The following ATRNL1 variants were observed in gnomAD, a reference collection of about 807,000 sequenced individuals.
The protein encoded by ATRNL1 is attractin-like protein 1.
In ATRNL1, 95 loss-of-function variants were observed where a neutral mutation model predicts 182.7. The observed-to-expected ratio is 0.52, with a 90% CI of 0.44 to 0.62. ATRNL1 has a LOEUF of 0.62. Ranked by LOEUF, ATRNL1 falls within the 20% of genes least tolerant of loss-of-function variation. ATRNL1 has a pLI of 0.00. For missense variants in ATRNL1, 1,471 were observed against 1,679.5 expected (o/e 0.88, Z 2.17); for synonymous variants, 576 against 568.3 (o/e 1.01, Z -0.19).
chr10:115,231,992 G>A (rs1315868674), intron 9 of ATRNL1, among the ~76,000 whole-genome samples: 1 of 152,040 alleles, frequency 6.6e-6, no homozygotes, highest in Non-Finnish European at 1.5e-5. Context: ...ATGTGCGAAC[G>A]CAGAGTCTTT....
intron 28 of ATRNL1, among the ~76,000 whole-genome samples, chr10:115,919,561 G>A (rs1204826082): frequency 6.6e-6 from 1 of 151,860 alleles, no homozygotes; most frequent in Non-Finnish European, 1.5e-5. Flanking sequence ...TGATGATGAA[G>A]GTATTAACAT....
At chr10:115,222,040 A>T (rs925688420) in intron 9 of ATRNL1, among the ~76,000 whole-genome samples, 5 of 152,194 alleles carry the variant, frequency 3.3e-5, no homozygotes, top group Non-Finnish European at 7.4e-5. Context: ...TGTTTTAGAC[A>T]CAAACTTTAA....
chr10:115,660,131 G>A (rs111778024), intron 26 of ATRNL1, among the ~76,000 whole-genome samples: 3 of 152,188 alleles, frequency 2.0e-5, no homozygotes, highest in Non-Finnish European at 2.9e-5. Context: ...ATAGGGGGAC[G>A]AACCAATGTA....
At chr10:115,542,319 C>G (rs1852404654) in intron 25 of ATRNL1, among the ~76,000 whole-genome samples, 1 of 152,006 alleles carries the variant, frequency 6.6e-6, no homozygotes, top group South Asian at 2.1e-4. Context: ...AGGTACTCTT[C>G]TATAAATTTT....
chr10:115,275,885 C>G (rs782499814), intron 13 of ATRNL1, among the ~76,000 whole-genome samples: 2 of 152,212 alleles, frequency 1.3e-5, no homozygotes, highest in Admixed American at 6.5e-5. Flanking sequence ...AAGTCACTCA[C>G]TGTGGGCCAC....
At chr10:115,336,965 C>T (rs1554936880) in intron 19 of ATRNL1, among the ~76,000 whole-genome samples, 1 of 94,784 alleles carries the variant, frequency 1.1e-5, no homozygotes, top group Non-Finnish European at 2.1e-5. Flanking sequence ...CCTGCCTCAG[C>T]CTCCCAAGTA....
chr10:115,571,528 A>C (rs1854395680), intron 26 of ATRNL1, among the ~76,000 whole-genome samples: 1 of 152,030 alleles, frequency 6.6e-6, no homozygotes, highest in African/African-American at 2.4e-5. Flanking sequence ...CTACTACTAC[A>C]TTGTTGTAAG....
intron 24 of ATRNL1, among the ~76,000 whole-genome samples, chr10:115,470,854 A>G (rs1848276875): frequency 6.6e-6 from 1 of 150,774 alleles, no homozygotes; most frequent in Non-Finnish European, 1.5e-5. Flanking sequence ...GGAATATGTT[A>G]TATTAAAGCA....
At chr10:115,306,823 T>G (rs925620608) in intron 17 of ATRNL1, among the ~76,000 whole-genome samples, 2 of 152,222 alleles carry the variant, frequency 1.3e-5, no homozygotes, top group African/African-American at 4.8e-5. Context: ...ATAAGTTTTT[T>G]GAGAACAATA....
chr10:115,586,337 C>T (rs1241631580), intron 26 of ATRNL1, among the ~76,000 whole-genome samples: 1 of 90,088 alleles, frequency 1.1e-5, no homozygotes, highest in African/African-American at 3.2e-5. Flanking sequence ...TGGATAATAT[C>T]CTGCAGAGTG....
At chr10:115,688,663 T>A (rs868949083) in intron 26 of ATRNL1, among the ~76,000 whole-genome samples, 12 of 152,170 alleles carry the variant, frequency 7.9e-5, no homozygotes, top group African/African-American at 2.7e-4. Flanking sequence ...AATGAGGTTT[T>A]TTTTGAAACT....
At chr10:115,564,878 CTG>C (rs781835466) in intron 26 of ATRNL1, among the ~76,000 whole-genome samples, 70 of 151,892 alleles carry the variant, frequency 4.6e-4, no homozygotes, top group Non-Finnish European at 9.4e-4. Context: ...TTGCATGTAA[CTG>C]TAAAGTTCTA....
intron 26 of ATRNL1, among the ~76,000 whole-genome samples, chr10:115,639,564 G>A (rs543403056): frequency 6.6e-6 from 1 of 152,152 alleles, no homozygotes; most frequent in Admixed American, 6.5e-5. Flanking sequence ...AGAAGGTAAA[G>A]GTAAAAATTG....
intron 28 of ATRNL1, among the ~76,000 whole-genome samples, chr10:115,877,475 T>G (rs978169954): frequency 6.6e-6 from 1 of 152,194 alleles, no homozygotes; most frequent in African/African-American, 2.4e-5. Context: ...ATATGGAAGT[T>G]TGGGAAAGCC....
At chr10:115,103,040 GTTT>G (rs33951113) in intron 1 of ATRNL1, among the ~76,000 whole-genome samples, 2 of 130,348 alleles carry the variant, frequency 1.5e-5, no homozygotes. Context: ...TATTTTTAGT[GTTT>G]TTTTTTTTTT....
chr10:115,528,001 CCTTCCTTCCTT>C (rs1851335574), intron 25 of ATRNL1, among the ~76,000 whole-genome samples: 1 of 12,288 alleles, frequency 8.1e-5, no homozygotes, highest in African/African-American at 4.1e-4. Flanking sequence ...TCCCTCCCTT[CCTTCCTTCCTT>C]CCTTCCTTCC....
At chr10:115,166,237 C>T (rs970858932) in intron 7 of ATRNL1, among the ~76,000 whole-genome samples, 1 of 151,980 alleles carries the variant, frequency 6.6e-6, no homozygotes, top group Non-Finnish European at 1.5e-5. Context: ...GTCAGAATGT[C>T]CTTCCTTTTG....
chr10:115,495,577 C>T (rs1170708636), intron 24 of ATRNL1, among the ~76,000 whole-genome samples: 3 of 151,966 alleles, frequency 2.0e-5, no homozygotes, highest in African/African-American at 7.3e-5. Context: ...CATTGATTAC[C>T]CCGAAGTCAT....
At chr10:115,498,866 C>T (rs1554979206) in intron 24 of ATRNL1, among the ~76,000 whole-genome samples, 1 of 151,968 alleles carries the variant, frequency 6.6e-6, no homozygotes, top group African/African-American at 2.4e-5. Context: ...TTGCTACTTT[C>T]AGCTTTTAGA....
Sources: gnomAD v4.1 joint callset for allele counts (sites outside exome capture counted in the v4.1 genomes callset) on GRCh38, gnomAD v4.1.1 for gene constraint, MANE v1.5 for transcripts, NCBI Gene and HGNC (gene_info 2026-07-23, HGNC 2026-07-21) for gene names.